CNPY2: variants seen among roughly 807,000 people sequenced by gnomAD.
The protein encoded by CNPY2 is protein canopy homolog 2.
In CNPY2, 19 loss-of-function variants were observed where a neutral mutation model predicts 25.5. That is an observed-to-expected ratio of 0.74 (90% confidence interval 0.52 to 1.09). CNPY2 has a LOEUF of 1.09. CNPY2 is among the 50% of genes least tolerant of loss of function. The probability of loss-of-function intolerance (pLI) is 0.00; values close to 1 mark genes in which losing one functional copy is unlikely to be tolerated. For missense variants in CNPY2, 214 were observed against 233.6 expected, an observed-to-expected ratio of 0.92 and a Z score of 0.55; for synonymous variants, 82 against 85.0, an observed-to-expected ratio of 0.96 and a Z score of 0.19.
At chr12:56,312,577 CTTTTTTTTTTT>C (rs1191305002) in intron 3 of CNPY2, 1 of 134,094 alleles carries the variant, frequency 7.5e-6, no homozygotes. Flanking sequence ...TTTTTTTTTT[CTTTTTTTTTTT>C]GAGATGGAGT....
chr12:56,314,676 C>T, intron 3 of CNPY2, 175 bp downstream of exon 3: 3 of 1,457,500 alleles, frequency 2.1e-6, no homozygotes, highest in Admixed American at 5.1e-5. Context: ...AGGTTTGCAG[C>T]CAGGAAGCAA....
rs1461873037 is a variant in CNPY2, at chr12:56,310,085, G to A, written c.*467C>T. On this transcript the variant is annotated 3_prime_UTR_variant, in exon 6 of 6. Transcript: ENST00000273308. ...TATCCGTTATTTCCTTCAAGACCAA[G>A]CCCTGTCTTACTTTATGTTTCAACA... The A allele has an allele frequency of 1.5e-6, 1 of 669,492 alleles. No individual in the cohort carries two copies. Among genetic ancestry groups the A allele is most frequent in the African/African-American group, 1.8e-5 (1 of 56,134 alleles). The allele number at this position is 669,492 out of a possible 1,614,324, so 41.5% of individuals were successfully genotyped here.
At chr12:56,315,426 G>A (rs1035635353) in intron 1 of CNPY2, among the ~76,000 whole-genome samples, 184 bp from the exon 2 acceptor site, 4 of 152,260 alleles carry the variant, frequency 2.6e-5, no homozygotes, top group African/African-American at 9.6e-5. Context: ...TTCCCCCAGG[G>A]TGGTGGGTGG....
rs73131004 is a variant in CNPY2, at chr12:56,310,265, G to C, written c.*287C>G. On this transcript the variant is annotated 3_prime_UTR_variant, in exon 6 of 6. Coordinates refer to ENST00000273308, the MANE Select transcript of CNPY2 (RefSeq NM_014255.7). Reference sequence around the variant, plus strand: ...AGCTTATCTAGTTTATGAGTGGAGTGGAATCTCAGAAGGTAGAAGAATTAA... The same window carrying C: ...AGCTTATCTAGTTTATGAGTGGAGTCGAATCTCAGAAGGTAGAAGAATTAA... The C allele has an allele frequency of 0.015, 9,218 of 596,826 alleles. 103 individuals carry two copies. Among genetic ancestry groups the C allele is most frequent in the Non-Finnish European group, 0.02 (6,870 of 336,768 alleles). 37.0% of individuals were successfully genotyped at this position (596,826 alleles called of 1,614,324 possible).
rs942317087 is a variant in CNPY2 at position 56,310,056 on chromosome 12, T to C, written c.*496A>G. On this transcript the variant is annotated 3_prime_UTR_variant, in exon 6 of 6. Transcript: ENST00000273308. ...TGGATGGGCAGGGAAGGAAGAATAA[T>C]GCATATCCGTTATTTCCTTCAAGAC... The C allele has an allele frequency of 1.2e-4, 80 of 694,170 alleles. No homozygotes were observed. Among genetic ancestry groups the C allele is most frequent in the Non-Finnish European group, 1.9e-4 (73 of 381,606 alleles). The allele number at this position is 694,170 out of a possible 1,614,324, so 43.0% of individuals were successfully genotyped here. A position where few individuals can be genotyped will look rare whatever the true frequency, so the allele number is the denominator to read the frequency against.
chr12:56,315,666 ATCCTG>A, intron 1 of CNPY2, 150 bp downstream of exon 1: 1 of 175,422 alleles, frequency 5.7e-6, no homozygotes, highest in Non-Finnish European at 1.2e-5. Flanking sequence ...GCCCATTTGG[ATCCTG>A]CACCGAAGAT....
In CNPY2 at chr12:56,311,132, G is replaced by A. The variant is rs946190205; in HGVS notation, c.409-78C>T. 22 of 1,601,764 alleles carry A rather than the reference G, an allele frequency of 1.4e-5. No individual in the cohort carries two copies. In the South Asian group the frequency reaches 2.3e-4, roughly 17 times the overall value. On this transcript the variant is annotated intron_variant, in intron 4 of 5. Transcript: ENST00000273308. ...CTTCACTTCCAAAGAGGAGGACAAG[G>A]ATATCAGCCTAACTTTCTAATTGGT...
rs550507535 is a variant in CNPY2, at chr12:56,315,338, T to A, written c.-25-96A>T. Reference sequence around the variant, plus strand: ...CACCCCAAGGCTTTCAAAGGCCTCATTGTGACTCTGGCTCTACTTTCCAGG... The same window carrying A: ...CACCCCAAGGCTTTCAAAGGCCTCAATGTGACTCTGGCTCTACTTTCCAGG... On this transcript the variant is annotated intron_variant, in intron 1 of 5. Transcript: ENST00000273308. 1.0e-5 allele frequency: 7 copies of A among 678,700 alleles called. No homozygotes were observed. The Admixed American group carries it at 2.0e-4, about 19-fold the overall frequency. The allele number at this position is 678,700 out of a possible 1,614,324, so 42.0% of individuals were successfully genotyped here. A position where few individuals can be genotyped will look rare whatever the true frequency, so the allele number is the denominator to read the frequency against.
intron 3 of CNPY2, among the ~76,000 whole-genome samples, chr12:56,313,073 C>T (rs1873769215): frequency 6.6e-6 from 1 of 152,098 alleles, no homozygotes; most frequent in African/African-American, 2.4e-5. Flanking sequence ...TGGTGGTTTG[C>T]TACACCCATC....
At chr12:56,313,560 T>C (rs571098063) in intron 3 of CNPY2, among the ~76,000 whole-genome samples, 1 of 152,206 alleles carries the variant, frequency 6.6e-6, no homozygotes, top group East Asian at 1.9e-4. Flanking sequence ...AAAGATGTAG[T>C]GTAGGCTCTG....
intron 3 of CNPY2, chr12:56,314,547 A>C: frequency 8.3e-7 from 1 of 1,202,330 alleles, no homozygotes; most frequent in Non-Finnish European, 1.0e-6. Flanking sequence ...CAGATTTTGA[A>C]CGGATGTTTG....
chr12:56,314,589 G>C (rs1873826790), intron 3 of CNPY2: 3 of 1,344,874 alleles, frequency 2.2e-6, no homozygotes, highest in East Asian at 3.1e-5. Flanking sequence ...TTAAAAACCA[G>C]TCATGTGGAT....
Position 56,314,337 on chromosome 12 carries a change from AC to A in CNPY2, c.204+513del, listed in dbSNP as rs989496429. On this transcript the variant is annotated intron_variant, in intron 3 of 5. Coordinates refer to ENST00000273308, the MANE Select transcript of CNPY2 (RefSeq NM_014255.7). ...AGGCACATGCCACCATGCACTGCTA[AC>A]TTTTGCATTTTTTTGTAGAGTTGGT... 13 of 666,710 alleles carry A rather than the reference AC, an allele frequency of 1.9e-5. No homozygotes were observed. The African/African-American group carries it at 2.0e-4, about 10-fold the overall frequency. 41.3% of individuals were successfully genotyped at this position (666,710 alleles called of 1,614,324 possible).
intron 3 of CNPY2, chr12:56,311,696 C>T (rs1440930133): frequency 5.0e-5 from 20 of 398,858 alleles, no homozygotes; most frequent in Non-Finnish European, 9.5e-5. Flanking sequence ...GGACTACAGG[C>T]ATGCACCACC....
chr12:56,310,866 A>C, intron 5 of CNPY2, 92 bp downstream of exon 5: 2 of 1,171,648 alleles, frequency 1.7e-6, no homozygotes, highest in Non-Finnish European at 2.5e-6. Context: ...ACCTAATACC[A>C]GAGGTTTCTG....
In CNPY2 at chr12:56,312,222, C is replaced by CTTTT. The variant is rs56822059; in HGVS notation, c.205-812_205-809dup. ...TTTACTTGATAGTTTCAAAGTACTTCTTTTTTTTTTTTTTTTTTTTTTTTT... is the reference window on the plus strand; with the variant it reads ...TTTACTTGATAGTTTCAAAGTACTTCTTTTTTTTTTTTTTTTTTTTTTTTTTTTT... On this transcript the variant is annotated intron_variant, in intron 3 of 5. Coordinates refer to ENST00000273308, the MANE Select transcript of CNPY2 (RefSeq NM_014255.7). 3.5e-4 allele frequency among the ~76,000 whole-genome samples: 48 copies of CTTTT among 135,922 alleles called. 4 individuals carry two copies. The highest frequency in any genetic ancestry group is 1.5e-3 in the African/African-American group (48 of 32,762). The allele number at this position is 135,922 out of a possible 152,430, so 89.2% of individuals were successfully genotyped here. A position where few individuals can be genotyped will look rare whatever the true frequency, so the allele number is the denominator to read the frequency against.
In CNPY2 at chr12:56,309,871, A is replaced by G; in HGVS notation, c.*681T>C. The stretch of plus-strand genomic sequence containing the variant: ...GTGATAGATACACTTTATTGTTGCC[A>G]CTGGCATCAAATTTAAAAGCTTAGG... On this transcript the variant is annotated 3_prime_UTR_variant, in exon 6 of 6. Transcript: ENST00000273308. 1.4e-6 allele frequency: 1 copy of G among 701,634 alleles called. No individual in the cohort carries two copies. Among genetic ancestry groups the G allele is most frequent in the Non-Finnish European group, 2.6e-6 (1 of 384,554 alleles). The allele number at this position is 701,634 out of a possible 1,614,324, so 43.5% of individuals were successfully genotyped here. A position where few individuals can be genotyped will look rare whatever the true frequency, so the allele number is the denominator to read the frequency against.
intron 3 of CNPY2, chr12:56,314,642 T>C (rs1873829469): frequency 3.5e-6 from 5 of 1,420,846 alleles, no homozygotes; most frequent in Non-Finnish European, 2.7e-6. Flanking sequence ...TGCTAACAAA[T>C]TCTACAGCAG....
Position 56,310,020 on chromosome 12 carries a change from G to T in CNPY2, c.*532C>A, listed in dbSNP as rs1023912865. On this transcript the variant is annotated 3_prime_UTR_variant, in exon 6 of 6. Transcript: ENST00000273308. ...CCCCTTCCTGTCTCTGTTCTTGCTG[G>T]TCCCTCCATCTGGATGGGCAGGGAA... is the stretch of plus-strand genomic sequence containing the variant. 2.1e-5 allele frequency: 15 copies of T among 701,478 alleles called. No homozygotes were observed. Among genetic ancestry groups the T allele is most frequent in the Non-Finnish European group, 3.9e-5 (15 of 384,584 alleles). The allele number at this position is 701,478 out of a possible 1,614,324, so 43.5% of individuals were successfully genotyped here. A position where few individuals can be genotyped will look rare whatever the true frequency, so the allele number is the denominator to read the frequency against.
Sources: allele counts gnomAD v4.1 joint callset (sites outside exome capture counted in the v4.1 genomes callset), GRCh38; gene constraint gnomAD v4.1.1; transcripts MANE v1.5; gene names NCBI Gene and HGNC (gene_info 2026-07-23, HGNC 2026-07-21).